The following DMXL1 variants were observed in gnomAD, a reference collection of about 807,000 sequenced individuals.
DMXL1 encodes the protein dmX-like protein 1.
A neutral mutation model predicts 319.2 loss-of-function variants in DMXL1; 99 were observed. The ratio of observed to expected loss-of-function variants is 0.31; its 90% CI spans 0.26 to 0.37. The LOEUF is 0.37. DMXL1 is among the 10% of genes least tolerant of loss of function. DMXL1 has a pLI of 1.00. For synonymous variants in DMXL1, 1,385 were observed against 1,235.2 expected (o/e 1.12, Z -2.54); for missense variants, 3,745 against 3,595.6 (o/e 1.04, Z -1.06).
chr5:119,227,677 G>C (rs1424257441), intron 38 of DMXL1, among the ~76,000 whole-genome samples: 3 of 152,112 alleles, frequency 2.0e-5, no homozygotes, highest in African/African-American at 7.2e-5. Flanking sequence ...AAAGCTGTCT[G>C]GGTGATATCT....
chr5:119,120,623 G>C (rs1342871246), intron 8 of DMXL1, among the ~76,000 whole-genome samples: 1 of 152,194 alleles, frequency 6.6e-6, no homozygotes, highest in Non-Finnish European at 1.5e-5. Context: ...GACAGTGTAT[G>C]TAGAGATATC....
Position 119,100,770 on chromosome 5 carries a change from C to CTTTTT in DMXL1, c.214-1142_214-1138dup, listed in dbSNP as rs397999092. 4.9e-4 allele frequency: 31 copies of CTTTTT among 62,716 alleles called. 4 individuals are homozygous for CTTTTT. Among genetic ancestry groups the CTTTTT allele is most frequent in the African/African-American group, 1.4e-3 (24 of 16,860 alleles). The allele number at this position is 62,716 out of a possible 1,614,324, so 3.9% of individuals were successfully genotyped here. ...CTCTTTTAATCTTTACATCTGTTTT[C>CTTTTT]TTTTTTTTTTTTTTTTTTTTTTTTT... On this transcript the variant is annotated intron_variant, in intron 2 of 43. Transcript: ENST00000539542.
At chr5:119,122,226 C>G (rs1388489541) in intron 9 of DMXL1, among the ~76,000 whole-genome samples, 1 of 140,080 alleles carries the variant, frequency 7.1e-6, no homozygotes, top group African/African-American at 2.7e-5. Flanking sequence ...CAGAGGCGCC[C>G]CTCACCTCCC....
At chr5:119,081,142 C>T (rs1166852264) in intron 1 of DMXL1, among the ~76,000 whole-genome samples, 2 of 152,136 alleles carry the variant, frequency 1.3e-5, no homozygotes, top group Non-Finnish European at 2.9e-5. Context: ...ACAAATGGGA[C>T]AAAGAAAACC....
Position 119,193,914 on chromosome 5 carries a change from T to C in DMXL1, c.7401T>C (p.Asp2467=). 6.2e-7 allele frequency: 1 copy of C among 1,612,344 alleles called. No individual in the cohort carries two copies. The highest frequency in any genetic ancestry group is 2.2e-5 in the East Asian group (1 of 44,716). ...GSDDDDNDDD[D]DVLASDFHLQ... is the part of the protein sequence containing the mutation. ...ATGATGATGACAATGATGATGATGA[T>C]GATGTTTTAGCATCAGATTTCCATC... Residue 2467 remains aspartate, a synonymous_variant, in exon 30 of 44, where the codon GAT becomes GAC. Transcript: ENST00000539542.
intron 19 of DMXL1, among the ~76,000 whole-genome samples, chr5:119,155,995 C>A (rs1390735520): frequency 6.6e-6 from 1 of 152,142 alleles, no homozygotes; most frequent in Non-Finnish European, 1.5e-5. Flanking sequence ...GTTGATAGAG[C>A]ATTGGCAGGG....
intron 1 of DMXL1, among the ~76,000 whole-genome samples, chr5:119,096,441 GC>G (rs1267348499): frequency 6.6e-6 from 1 of 152,142 alleles, no homozygotes; most frequent in Non-Finnish European, 1.5e-5. Flanking sequence ...CTGCCAAAGT[GC>G]TGGGATTACA....
chr5:119,232,071 C>A (rs990515202), intron 38 of DMXL1, among the ~76,000 whole-genome samples: 2 of 152,046 alleles, frequency 1.3e-5, no homozygotes, highest in African/African-American at 4.8e-5. Context: ...GCTTTGAACT[C>A]CTGGGCTCAA....
chr5:119,243,065 A>G (rs537562470), intron 42 of DMXL1, among the ~76,000 whole-genome samples: 3 of 152,310 alleles, frequency 2.0e-5, no homozygotes, highest in African/African-American at 7.2e-5. Flanking sequence ...TTGACCATGA[A>G]GGGGCATGAA....
In DMXL1 at chr5:119,147,372, A is replaced by G. The variant is rs773690367; in HGVS notation, c.2813A>G (p.Gln938Arg). Residue 938 changes from glutamine (Q) to arginine (R), a missense_variant, in exon 17 of 44, where the codon CAG (glutamine) becomes CGG (arginine). By Grantham distance (43) the Gln-to-Arg change is conservative (BLOSUM62 1). This residue lies in a region of DMXL1 where 2,096 missense variants were observed against 1,985.4 expected (regional missense o/e 1.06). Coordinates refer to ENST00000539542, the MANE Select transcript of DMXL1 (RefSeq NM_001290321.3). ...TATCAGGCTTGCAGAGCAAATCTCC[A>G]GAGTACCAGCAGGTTGACTCTGTTT... ...QKYQACRANLQSTSRLTLFSE... is the reference protein window; with the variant it reads ...QKYQACRANLRSTSRLTLFSE... 1.2e-6 allele frequency: 2 copies of G among 1,613,566 alleles called. No homozygotes were observed. The highest frequency in any genetic ancestry group is 3.3e-5 in the Admixed American group (2 of 59,900).
intron 30 of DMXL1, among the ~76,000 whole-genome samples, 166 bp downstream of exon 30, chr5:119,194,136 C>G (rs1324974430): frequency 2.6e-5 from 4 of 151,960 alleles, no homozygotes; most frequent in Non-Finnish European, 4.4e-5. Context: ...ACAATAATTT[C>G]TCTGTTGACT....
At chr5:119,195,160 G>A (rs78755907) in intron 30 of DMXL1, among the ~76,000 whole-genome samples, 168 of 152,180 alleles carry the variant, frequency 1.1e-3, no homozygotes, top group African/African-American at 3.7e-3. Flanking sequence ...ACGTAAAATC[G>A]TGCAGCAACT....
At chr5:119,236,262 G>C (rs761774795) in intron 39 of DMXL1, 2 of 152,076 alleles carry the variant, frequency 1.3e-5, no homozygotes, top group East Asian at 3.9e-4. Context: ...AAAAATGGCT[G>C]TATCAATTTA....
Position 119,134,056 on chromosome 5 carries a change from A to T in DMXL1, c.2132A>T (p.Asp711Val). 1 of 1,614,156 alleles carries T rather than the reference A, an allele frequency of 6.2e-7. No individual in the cohort carries two copies. The highest frequency in any genetic ancestry group is 8.5e-7 in the Non-Finnish European group (1 of 1,180,022). ...AGTGAGCTTATTCTGTGGAGGGTTG[A>T]CCCAGTTGGGCCATTGTCTTTTTCT... Reference protein sequence around the residue: ...VYSELILWRVDPVGPLSFSGG... With the variant: ...VYSELILWRVVPVGPLSFSGG... The change falls in exon 12 of 44, where the codon GAC (aspartate) becomes GTC (valine). Residue 711 changes from aspartate (D) to valine (V), a missense_variant. Around this residue, in one of 4 missense-constraint regions of DMXL1, gnomAD observed 2,096 missense variants for 1,985.4 expected, o/e 1.06. Transcript: ENST00000539542.
rs1769298976 is a variant in DMXL1 at position 119,149,482 on chromosome 5, T to G, written c.3655T>G (p.Leu1219Val). Residue 1219 changes from leucine (L) to valine (V), a missense_variant, in exon 18 of 44, where the codon TTA (leucine) becomes GTA (valine). Leu to Val is a conservative substitution (Grantham distance 32). Coordinates refer to ENST00000539542, the MANE Select transcript of DMXL1 (RefSeq NM_001290321.3). ...VDGSPPFPVS[L>V]SWVRDGILVV... Reference sequence around the variant, plus strand: ...TGGCTCCCCACCTTTTCCTGTTTCTTTATCGTGGGTCCGGGATGGCATCCT... The same window carrying G: ...TGGCTCCCCACCTTTTCCTGTTTCTGTATCGTGGGTCCGGGATGGCATCCT... 1.2e-6 allele frequency: 2 copies of G among 1,613,984 alleles called. No homozygotes were observed. The highest frequency in any genetic ancestry group is 1.7e-6 in the Non-Finnish European group (2 of 1,179,904).
chr5:119,130,874 G>A (rs1236061652), intron 10 of DMXL1, among the ~76,000 whole-genome samples: 1 of 152,002 alleles, frequency 6.6e-6, no homozygotes, highest in Non-Finnish European at 1.5e-5. Flanking sequence ...AGGGAGTGTA[G>A]CAATTTAAAA....
At chr5:119,097,868 C>A in intron 1 of DMXL1, 111 bp from the exon 2 acceptor site, 2 of 1,025,988 alleles carry the variant, frequency 1.9e-6, no homozygotes, top group Non-Finnish European at 1.4e-6. Flanking sequence ...TAAAATTGGT[C>A]TTTTAAAACA....
At chr5:119,174,316 G>A (rs962376482) in intron 25 of DMXL1, among the ~76,000 whole-genome samples, 4 of 145,042 alleles carry the variant, frequency 2.8e-5, no homozygotes, top group Admixed American at 1.4e-4. Flanking sequence ...GTGTAGATTC[G>A]GAACTCACAC....
chr5:119,221,115 G>T, intron 37 of DMXL1, 34 bp downstream of exon 37: 1 of 1,495,492 alleles, frequency 6.7e-7, no homozygotes. Context: ...TAAGTTATAT[G>T]TAACTTTTAT....
Sources: allele counts gnomAD v4.1 joint callset (sites outside exome capture counted in the v4.1 genomes callset), GRCh38; gene constraint gnomAD v4.1.1; regional missense constraint gnomAD v4.1.1; transcripts MANE v1.5; gene names NCBI Gene and HGNC (gene_info 2026-07-23, HGNC 2026-07-21).